Variants in RBMS1 observed in about 807,000 individuals in gnomAD.
The protein encoded by RBMS1 is RNA binding motif single stranded interacting protein 1.
In RBMS1, 17 loss-of-function variants were observed where a neutral mutation model predicts 62.3. The observed-to-expected ratio is 0.27, with a 90% CI of 0.19 to 0.41. RBMS1 has a LOEUF of 0.41. Ranked by LOEUF, RBMS1 falls within the 10% of genes least tolerant of loss-of-function variation. The probability of loss-of-function intolerance (pLI) is 1.00; values close to 1 mark genes in which losing one functional copy is unlikely to be tolerated. For synonymous variants in RBMS1, 172 were observed against 170.0 expected (o/e 1.01, Z -0.09); for missense variants, 334 against 504.5 (o/e 0.66, Z 3.24).
intron 1 of RBMS1, among the ~76,000 whole-genome samples, chr2:160,467,328 G>C (rs1225337890): frequency 6.6e-6 from 1 of 152,152 alleles, no homozygotes; most frequent in African/African-American, 2.4e-5. Context: ...CATTTAGTGA[G>C]AGCCAAGGAG....
intron 2 of RBMS1, among the ~76,000 whole-genome samples, chr2:160,332,733 A>G (rs912228567): frequency 1.3e-5 from 2 of 152,126 alleles, no homozygotes; most frequent in African/African-American, 4.8e-5. Flanking sequence ...AAAGGAGTGA[A>G]TCCTCCAAGG....
At chr2:160,412,343 A>G (rs1696067815) in intron 1 of RBMS1, among the ~76,000 whole-genome samples, 1 of 152,232 alleles carries the variant, frequency 6.6e-6, no homozygotes, top group South Asian at 2.1e-4. Context: ...TTTAACTTTC[A>G]CAACAACCTT....
intron 6 of RBMS1, among the ~76,000 whole-genome samples, chr2:160,291,842 A>G (rs145707760): frequency 6.6e-6 from 1 of 152,350 alleles, no homozygotes; most frequent in Non-Finnish European, 1.5e-5. Flanking sequence ...ATGATTTGAC[A>G]ATATTAAAGT....
intron 1 of RBMS1, among the ~76,000 whole-genome samples, chr2:160,413,527 T>C (rs1424188199): frequency 6.6e-6 from 1 of 152,198 alleles, no homozygotes; most frequent in East Asian, 1.9e-4. Flanking sequence ...TGTATAAAAG[T>C]ACATGCGTAT....
chr2:160,387,689 T>C (rs1399344704), intron 1 of RBMS1, among the ~76,000 whole-genome samples: 1 of 152,126 alleles, frequency 6.6e-6, no homozygotes, highest in African/African-American at 2.4e-5. Context: ...TTGGGCTCAA[T>C]ATATGCTCAG....
Position 160,493,564 on chromosome 2 carries a change from TC to T in RBMS1, c.-202del. On this transcript the variant is annotated 5_prime_UTR_variant, in exon 1 of 14. Coordinates refer to ENST00000348849, the MANE Select transcript of RBMS1 (RefSeq NM_016836.4). ...CTCTTCCTCCTCCTCCTCCTCCTCC[TC>T]CTCCTCTTCCTCCTCCTCCTCCTCC... The T allele has an allele frequency of 1.7e-5, 10 of 602,012 alleles. No individual in the cohort carries two copies. The highest frequency in any genetic ancestry group is 2.9e-5 in the Admixed American group (1 of 34,982). 37.3% of individuals were successfully genotyped at this position (602,012 alleles called of 1,614,324 possible).
At chr2:160,303,819 C>G (rs765862570) in intron 4 of RBMS1, among the ~76,000 whole-genome samples, 3 of 152,094 alleles carry the variant, frequency 2.0e-5, no homozygotes, top group Non-Finnish European at 4.4e-5. Flanking sequence ...TTTTAGGAGT[C>G]CATTTCAGGC....
intron 2 of RBMS1, among the ~76,000 whole-genome samples, chr2:160,351,922 T>C (rs6715860): frequency 0.011 from 1,640 of 152,180 alleles, 39 homozygotes; most frequent in African/African-American, 0.035. Flanking sequence ...CCCAAAAAGT[T>C]TGAGGCTGCT....
At chr2:160,407,431 G>T in intron 1 of RBMS1, 1 of 986,040 alleles carries the variant, frequency 1.0e-6, no homozygotes, top group South Asian at 4.6e-5. Flanking sequence ...GGGGCTCGCC[G>T]ACCTCGGCGC....
chr2:160,289,287 A>G (rs1013694048), intron 6 of RBMS1, among the ~76,000 whole-genome samples: 4 of 152,256 alleles, frequency 2.6e-5, no homozygotes, highest in African/African-American at 4.8e-5. Context: ...CTATGCTGTC[A>G]TTAAGCTATT....
At chr2:160,342,935 T>G (rs1691961513) in intron 2 of RBMS1, among the ~76,000 whole-genome samples, 1 of 151,776 alleles carries the variant, frequency 6.6e-6, no homozygotes, top group African/African-American at 2.4e-5. Flanking sequence ...TGAGACTGCC[T>G]CAAAAACAAA....
chr2:160,420,228 T>C (rs1479578344), intron 1 of RBMS1, among the ~76,000 whole-genome samples: 1 of 152,154 alleles, frequency 6.6e-6, no homozygotes, highest in Non-Finnish European at 1.5e-5. Context: ...CTAACTCCCT[T>C]GTCCCTTTAC....
intron 1 of RBMS1, chr2:160,416,165 A>G: frequency 6.7e-6 from 1 of 149,912 alleles, no homozygotes; most frequent in East Asian, 1.9e-4. Flanking sequence ...TCCCCAAGTG[A>G]AGAGAAGGCA....
chr2:160,367,184 C>T (rs1693445306), intron 2 of RBMS1, 32 bp downstream of exon 2: 1 of 1,589,460 alleles, frequency 6.3e-7, no homozygotes. Context: ...AAATACTTAG[C>T]AGCTAAAATA....
intron 12 of RBMS1, chr2:160,276,551 C>T (rs1303620449): frequency 1.3e-5 from 2 of 152,168 alleles, no homozygotes; most frequent in South Asian, 2.1e-4. Context: ...GAAAATGCCA[C>T]GTTTTCTCTC....
At chr2:160,324,907 T>C (rs201141704) in intron 2 of RBMS1, among the ~76,000 whole-genome samples, 24,721 of 106,322 alleles carry the variant, frequency 0.23, 3,186 homozygotes, top group South Asian at 0.28. Context: ...TATATATATA[T>C]ACACACACAC....
chr2:160,333,880 CAG>C (rs1364080320), intron 2 of RBMS1, among the ~76,000 whole-genome samples: 1 of 151,868 alleles, frequency 6.6e-6, no homozygotes, highest in African/African-American at 2.4e-5. Context: ...ACAAGTACCT[CAG>C]AGAGATGAAG....
intron 1 of RBMS1, among the ~76,000 whole-genome samples, chr2:160,407,210 C>T (rs2105243876): frequency 6.6e-6 from 1 of 152,302 alleles, no homozygotes; most frequent in East Asian, 1.9e-4. Flanking sequence ...GCCCGGCGCG[C>T]TTCTGCCCTC....
intron 4 of RBMS1, among the ~76,000 whole-genome samples, chr2:160,310,235 G>C (rs919449093): frequency 5.3e-5 from 8 of 152,230 alleles, no homozygotes; most frequent in African/African-American, 1.9e-4. Context: ...CTGTATGTGT[G>C]TGCACACATA....
Sources: gnomAD v4.1 joint callset for allele counts (sites outside exome capture counted in the v4.1 genomes callset) on GRCh38, gnomAD v4.1.1 for gene constraint, MANE v1.5 for transcripts, NCBI Gene and HGNC (gene_info 2026-07-23, HGNC 2026-07-21) for gene names.